C19orf47: variants seen among roughly 807,000 people sequenced by gnomAD.
C19orf47 encodes the protein chromosome 19 open reading frame 47.
C19orf47 carries 18 observed loss-of-function variants against 32.3 expected under a neutral mutation model. The observed-to-expected ratio is 0.56, with a 90% CI of 0.39 to 0.83. The LOEUF (loss-of-function observed/expected upper bound fraction) is 0.83. Ranked by LOEUF, C19orf47 falls within the 40% of genes least tolerant of loss-of-function variation. The pLI is 0.00. For synonymous variants in C19orf47, 202 were observed against 211.1 expected, an observed-to-expected ratio of 0.96 and a Z score of 0.37; for missense variants, 484 against 531.6, an observed-to-expected ratio of 0.91 and a Z score of 0.88.
chr19:40,341,718 G>A, intron 2 of C19orf47, 121 bp downstream of exon 2: 1 of 1,419,916 alleles, frequency 7.0e-7, no homozygotes, highest in South Asian at 1.3e-5. Flanking sequence ...GGTCCTCAGA[G>A]TACAGCTGTT....
chr19:40,345,106 C>G (rs1418373683), intron 1 of C19orf47, among the ~76,000 whole-genome samples: 1 of 152,180 alleles, frequency 6.6e-6, no homozygotes, highest in Non-Finnish European at 1.5e-5. Flanking sequence ...TCAGTTAATG[C>G]TAACCAGAAT....
chr19:40,301,345 A>AT, the C19orf47 span, among the ~76,000 whole-genome samples: 1 of 148,430 alleles, frequency 6.7e-6, no homozygotes, highest in East Asian at 2.0e-4. Flanking sequence ...TTATTTATTT[A>AT]TTTATTTATT....
the C19orf47 span, among the ~76,000 whole-genome samples, chr19:40,314,044 T>A: frequency 6.6e-6 from 1 of 152,126 alleles, no homozygotes; most frequent in Non-Finnish European, 1.5e-5. Flanking sequence ...ACCAGGCTCC[T>A]TGGAAAAATG....
rs969422962 is a variant in C19orf47, at chr19:40,322,393, C to T, written c.664-17G>A. The T allele has an allele frequency of 2.6e-6, 4 of 1,551,536 alleles. No individual in the cohort carries two copies. The East Asian group carries it at 6.8e-5, about 26-fold the overall frequency. ...TCCTGTGGGCTGTGGAGGTCAGAGA[C>T]AGGATGAATGAGTCACTGAGTCACT... is the stretch of plus-strand genomic sequence containing the variant. On this transcript the variant is annotated splice_polypyrimidine_tract_variant and intron_variant, in intron 8 of 8. Transcript: ENST00000683109.
Position 40,321,446 on chromosome 19 carries a change from G to C in C19orf47, c.*436C>G, listed in dbSNP as rs1285960591. The C allele has an allele frequency of 1.5e-5, 15 of 1,006,614 alleles. No homozygotes were observed. Among genetic ancestry groups the C allele is most frequent in the Non-Finnish European group, 1.8e-5 (15 of 842,794 alleles). 62.4% of individuals were successfully genotyped at this position (1,006,614 alleles called of 1,614,324 possible). On this transcript the variant is annotated 3_prime_UTR_variant, in exon 9 of 9. Coordinates refer to ENST00000683109, the MANE Select transcript of C19orf47 (RefSeq NM_001256441.2). ...GTGGGGGGAGGCGCAGAGGAGTGAG[G>C]GAGGTCAGTGGGGAGTGGGGGAAGG...
the C19orf47 span, among the ~76,000 whole-genome samples, chr19:40,311,952 C>A: frequency 6.6e-6 from 1 of 152,236 alleles, no homozygotes; most frequent in African/African-American, 2.4e-5. Context: ...CCACCATGCC[C>A]GGCCCAATTT....
At chr19:40,296,831 T>G in the C19orf47 span, among the ~76,000 whole-genome samples, 1 of 151,968 alleles carries the variant, frequency 6.6e-6, no homozygotes. Flanking sequence ...AGAGAATTGC[T>G]TGAACCCAGG....
the C19orf47 span, among the ~76,000 whole-genome samples, chr19:40,306,926 A>T: frequency 1.3e-5 from 2 of 150,440 alleles, no homozygotes; most frequent in East Asian, 3.9e-4. Context: ...AGTAGCTGGG[A>T]CTACAGGCGC....
chr19:40,304,116 G>A, the C19orf47 span, among the ~76,000 whole-genome samples: 2 of 152,128 alleles, frequency 1.3e-5, no homozygotes, highest in East Asian at 3.8e-4. Flanking sequence ...TGATTAATTG[G>A]ACTGACCTAG....
intron 2 of C19orf47, among the ~76,000 whole-genome samples, chr19:40,338,167 T>G (rs1028783962): frequency 4.7e-5 from 7 of 150,354 alleles, no homozygotes; most frequent in Admixed American, 3.3e-4. Context: ...CTCAACCTCC[T>G]GGGCTCAAGC....
the C19orf47 span, among the ~76,000 whole-genome samples, chr19:40,294,264 T>C: frequency 6.6e-6 from 1 of 152,172 alleles, no homozygotes; most frequent in Admixed American, 6.5e-5. Flanking sequence ...ACAGATAAGA[T>C]TTCCTACCAC....
chr19:40,321,609 G>A lies in C19orf47; in HGVS notation c.*273C>T. 1 of 1,242,070 alleles carries A rather than the reference G, an allele frequency of 8.1e-7. No homozygotes were observed. Among genetic ancestry groups the A allele is most frequent in the Non-Finnish European group, 1.0e-6 (1 of 990,008 alleles). The allele number at this position is 1,242,070 out of a possible 1,614,324, so 76.9% of individuals were successfully genotyped here. A position where few individuals can be genotyped will look rare whatever the true frequency, so the allele number is the denominator to read the frequency against. On this transcript the variant is annotated 3_prime_UTR_variant, in exon 9 of 9. Coordinates refer to ENST00000683109, the MANE Select transcript of C19orf47 (RefSeq NM_001256441.2). ...AGCCCCCTGGCACTTGGGAGAGGTA[G>A]AAAAGTGGGTTCTGCCAAGGCCACA...
chr19:40,341,816 T>C, intron 2 of C19orf47, 23 bp downstream of exon 2: 1 of 1,535,990 alleles, frequency 6.5e-7, no homozygotes, highest in South Asian at 1.2e-5. Context: ...GAGGGGGCCC[T>C]GGAGAGAAGG....
the C19orf47 span, among the ~76,000 whole-genome samples, chr19:40,304,134 T>A: frequency 6.6e-6 from 1 of 152,110 alleles, no homozygotes; most frequent in Non-Finnish European, 1.5e-5. Flanking sequence ...TAGTCCCAGG[T>A]CTCATACTAT....
At chr19:40,328,680 T>C (rs1160937067) in intron 5 of C19orf47, 130 bp from the exon 6 acceptor site, 11 of 1,230,962 alleles carry the variant, frequency 8.9e-6, no homozygotes, top group Non-Finnish European at 1.1e-5. Flanking sequence ...TATCACCCTG[T>C]AACTGCATGG....
chr19:40,347,431 T>C (rs1405392060), intron 1 of C19orf47, among the ~76,000 whole-genome samples: 4 of 151,360 alleles, frequency 2.6e-5, no homozygotes, highest in Admixed American at 1.3e-4. Flanking sequence ...ACTCGGAAGG[T>C]TGAGGCAGGA....
chr19:40,329,645 A>G (rs12459307), intron 5 of C19orf47, among the ~76,000 whole-genome samples: 18,102 of 152,206 alleles, frequency 0.12, 1,412 homozygotes, highest in Admixed American at 0.22. Context: ...CTTCCCTATC[A>G]GACCTCCTCC....
chr19:40,348,244 C>G (rs2078367340), intron 1 of C19orf47, 80 bp downstream of exon 1: 2 of 1,002,262 alleles, frequency 2.0e-6, no homozygotes, highest in Admixed American at 4.4e-5. Flanking sequence ...CAACGGAGCC[C>G]GAACTGAGTC....
downstream of C19orf47, among the ~76,000 whole-genome samples, chr19:40,318,977 A>G (rs2077681675): frequency 6.6e-6 from 1 of 152,170 alleles, no homozygotes; most frequent in Admixed American, 6.5e-5. Flanking sequence ...TACAGTTTAA[A>G]ATAGTTAAAA....
Sources: gnomAD v4.1 joint callset for allele counts (sites outside exome capture counted in the v4.1 genomes callset) on GRCh38, gnomAD v4.1.1 for gene constraint, MANE v1.5 for transcripts, NCBI Gene and HGNC (gene_info 2026-07-23, HGNC 2026-07-21) for gene names.